USP54: variants seen among roughly 807,000 people sequenced by gnomAD.
USP54 encodes the protein ubiquitin specific peptidase 54.
In USP54, 87 loss-of-function variants were observed where a neutral mutation model predicts 170.5. The observed-to-expected ratio is 0.51, with a 90% CI of 0.43 to 0.61. The LOEUF (loss-of-function observed/expected upper bound fraction) is 0.61, where lower values mean the gene tolerates loss of function less well. USP54 is among the 20% of genes least tolerant of loss of function. The probability of loss-of-function intolerance (pLI) is 0.00; values close to 1 mark genes in which losing one functional copy is unlikely to be tolerated. For synonymous variants in USP54, 655 were observed against 742.8 expected, an observed-to-expected ratio of 0.88 and a Z score of 1.92; for missense variants, 1,786 against 2,047.8, an observed-to-expected ratio of 0.87 and a Z score of 2.47.
intron 16 of USP54, among the ~76,000 whole-genome samples, chr10:73,525,271 C>A (rs1056359484): frequency 1.3e-4 from 20 of 152,136 alleles, no homozygotes; most frequent in Non-Finnish European, 2.6e-4. Flanking sequence ...ACTTGATTTA[C>A]CCCTGTAGTT....
chr10:73,619,715 A>T (rs1482848864), intron 1 of USP54, among the ~76,000 whole-genome samples: 1 of 150,490 alleles, frequency 6.6e-6, no homozygotes, highest in East Asian at 1.9e-4. Context: ...AAAAAATTAA[A>T]CAGTAATATA....
At chr10:73,567,651 A>G (rs1405436127) in intron 4 of USP54, among the ~76,000 whole-genome samples, 1 of 152,194 alleles carries the variant, frequency 6.6e-6, no homozygotes, top group African/African-American at 2.4e-5. Flanking sequence ...CAGTCTGTGC[A>G]ACAAGAGTGA....
chr10:73,617,571 T>C lies in USP54; in HGVS notation c.-18+7996A>G, dbSNP rs1001045047. Among the ~76,000 whole-genome samples the C allele has an allele frequency of 2.0e-5, 3 of 150,302 alleles. 1 individual carries two copies. The highest frequency in any genetic ancestry group is 7.5e-5 in the African/African-American group (3 of 39,748). ...TTGGCCAGGTGCAGTGGCTCATACG[T>C]GTAATCCCAGCACTTTGGAGGGCTG... On this transcript the variant is annotated intron_variant, in intron 1 of 22. Coordinates refer to the USP54 transcript ENST00000339859.
In USP54 at chr10:73,499,307, G is replaced by A. The variant is rs1009454288; in HGVS notation, c.4496-119C>T. 10 of 998,670 alleles carry A rather than the reference G, an allele frequency of 1.0e-5. No homozygotes were observed. In the Admixed American group the frequency reaches 2.2e-4, roughly 22 times the overall value. The allele number at this position is 998,670 out of a possible 1,614,324, so 61.9% of individuals were successfully genotyped here. ...ACTCCTCCAAGAGCATACATACAAG[G>A]GAAAGAATGAATCAAGCTGTGCTTT... On this transcript the variant is annotated intron_variant, in intron 23 of 23. Coordinates refer to ENST00000687698, the MANE Select transcript of USP54 (RefSeq NM_001391956.1).
chr10:73,547,132 G>A (rs528109865), intron 4 of USP54, among the ~76,000 whole-genome samples: 3 of 152,210 alleles, frequency 2.0e-5, no homozygotes, highest in Middle Eastern at 6.8e-3. Context: ...CCAAAGAGTA[G>A]AATCAGCCAG....
chr10:73,617,469 T>A lies in USP54; in HGVS notation c.-18+8098A>T, dbSNP rs908060056. Among the ~76,000 whole-genome samples the A allele has an allele frequency of 3.6e-4, 53 of 148,806 alleles. 4 individuals are homozygous for A. The highest frequency in any genetic ancestry group is 1.4e-3 in the African/African-American group (53 of 39,150). The stretch of plus-strand genomic sequence containing the variant: ...AGACTCTGTCTAAAAATAATAATAA[T>A]AAAAATAAAAAATAATAATAAATAT... On this transcript the variant is annotated intron_variant, in intron 1 of 22. Transcript: ENST00000339859.
intron 1 of USP54, among the ~76,000 whole-genome samples, chr10:73,596,720 CAA>C (rs36049099): frequency 1.4e-4 from 13 of 91,850 alleles, no homozygotes; most frequent in East Asian, 6.4e-4. Flanking sequence ...GATCCTGTCT[CAA>C]AAAAAAAAAA....
In USP54 at chr10:73,541,469, T is replaced by C. The variant is rs752961259; in HGVS notation, c.731A>G (p.Gln244Arg). The change falls in exon 9 of 24, where the codon CAG becomes CGG. Residue 244 changes from glutamine to arginine, a missense_variant. By Grantham distance (43) the Gln-to-Arg change is conservative (BLOSUM62 1). This residue lies in a region of USP54 where 361 missense variants were observed against 455.0 expected (regional missense o/e 0.79). Transcript: ENST00000687698. ...CCATACCAGCCCAATCGTGATAATCTGTGGAGCATTCATCAACACACGGCG... is the reference window on the plus strand; with the variant it reads ...CCATACCAGCCCAATCGTGATAATCCGTGGAGCATTCATCAACACACGGCG... ...RIRRVLMNAP[Q>R]IITIGLVWDS... 1 of 1,614,178 alleles carries C rather than the reference T, an allele frequency of 6.2e-7. No homozygotes were observed. The highest frequency in any genetic ancestry group is 8.5e-7 in the Non-Finnish European group (1 of 1,180,036).
chr10:73,624,176 A>T (rs186306865), intron 1 of USP54, among the ~76,000 whole-genome samples: 1 of 108,872 alleles, frequency 9.2e-6, no homozygotes, highest in Admixed American at 9.3e-5. Flanking sequence ...ATATATATAT[A>T]TATATATATA....
In USP54 at chr10:73,529,831, G is replaced by A. The variant is rs781024227; in HGVS notation, c.1909C>T (p.Arg637Cys). Residue 637 changes from arginine (R) to cysteine (C), a missense_variant, in exon 15 of 24, where the codon CGC becomes TGC. Transcript: ENST00000687698. ...KFGGPSPQYK[R>C]WGPARPGSHL... ...GAGCCTGGCCGTGCTGGGCCCCAGC[G>A]CTTGTACTGGGGGCTTGGTCCACCA... is the stretch of plus-strand genomic sequence containing the variant. The A allele has an allele frequency of 1.6e-5, 26 of 1,605,452 alleles. No homozygotes were observed. The highest frequency in any genetic ancestry group is 4.4e-5 in the South Asian group (4 of 89,976).
In USP54 at chr10:73,624,177, TATATATATA is replaced by T. The variant is rs1473011787; in HGVS notation, c.-18+1381_-18+1389del. ...TAAAAGCCATATATATATATATATATATATATATATATATATATGTATTTTTTTTTTTTT... is the reference window on the plus strand; with the variant it reads ...TAAAAGCCATATATATATATATATATTATATATATGTATTTTTTTTTTTTT... On this transcript the variant is annotated intron_variant, in intron 1 of 22. Transcript: ENST00000339859. Among the ~76,000 whole-genome samples the T allele has an allele frequency of 1.2e-3, 136 of 111,104 alleles. 2 individuals are homozygous for T. The highest frequency in any genetic ancestry group is 9.0e-3 in the East Asian group (22 of 2,432). The allele number at this position is 111,104 out of a possible 152,430, so 72.9% of individuals were successfully genotyped here.
chr10:73,536,117 G>T (rs1008792326), intron 11 of USP54, 152 bp downstream of exon 11: 2 of 1,060,482 alleles, frequency 1.9e-6, no homozygotes, highest in Non-Finnish European at 2.8e-6. Context: ...CCCAAGTTAG[G>T]CTTCAGCACA....
At chr10:73,561,104 C>CAAAAAAA (rs919887025) in intron 4 of USP54, among the ~76,000 whole-genome samples, 2 of 30,480 alleles carry the variant, frequency 6.6e-5, no homozygotes, top group African/African-American at 8.9e-5. Context: ...GACTCCATCT[C>CAAAAAAA]AAAAAAAAAA....
chr10:73,557,276 A>C (rs985430580), intron 4 of USP54, among the ~76,000 whole-genome samples: 3 of 152,164 alleles, frequency 2.0e-5, no homozygotes, highest in African/African-American at 7.2e-5. Context: ...AGATAGAATA[A>C]ATTTGGGGCT....
Position 73,611,922 on chromosome 10 carries a change from A to G in USP54, c.-18+13645T>C, listed in dbSNP as rs150038222. Among the ~76,000 whole-genome samples, 18 of 152,160 alleles carry G rather than the reference A, an allele frequency of 1.2e-4. 1 individual carries two copies. In the East Asian group the frequency reaches 3.5e-3, roughly 29 times the overall value. The stretch of plus-strand genomic sequence containing the variant: ...TCATGAGTTCCAGACCAGGCTGCAC[A>G]ACACAGTGACAACTCATCTCTACGA... On this transcript the variant is annotated intron_variant, in intron 1 of 22. Coordinates refer to the USP54 transcript ENST00000339859.
At chr10:73,613,175 C>T (rs934422061) in intron 1 of USP54, among the ~76,000 whole-genome samples, 4 of 142,300 alleles carry the variant, frequency 2.8e-5, no homozygotes, top group Non-Finnish European at 6.0e-5. Flanking sequence ...CACTCTGTTA[C>T]GTAGGCTGGG....
intron 3 of USP54, among the ~76,000 whole-genome samples, chr10:73,572,090 T>G (rs980134000): frequency 3.3e-5 from 5 of 152,222 alleles, no homozygotes; most frequent in South Asian, 4.1e-4. Context: ...GTGTTGAGAA[T>G]GGCACTATAC....
intron 1 of USP54, among the ~76,000 whole-genome samples, chr10:73,608,011 C>T (rs1313548574): frequency 2.0e-5 from 3 of 152,064 alleles, no homozygotes; most frequent in African/African-American, 7.2e-5. Flanking sequence ...CCTATAATCC[C>T]AGCAATTTGG....
At chr10:73,520,686 A>T (rs2061754270) in intron 18 of USP54, among the ~76,000 whole-genome samples, 1 of 152,194 alleles carries the variant, frequency 6.6e-6, no homozygotes, top group Non-Finnish European at 1.5e-5. Flanking sequence ...TCATCTATGG[A>T]TTCCTTGCTG....
Sources: gnomAD v4.1 joint callset for allele counts (sites outside exome capture counted in the v4.1 genomes callset) on GRCh38, gnomAD v4.1.1 for gene constraint, gnomAD v4.1.1 regional missense constraint, MANE v1.5 for transcripts, NCBI Gene and HGNC (gene_info 2026-07-23, HGNC 2026-07-21) for gene names.